Variants in FRMD3 observed in about 807,000 individuals in gnomAD.
The protein encoded by FRMD3 is FERM domain-containing protein 3.
A neutral mutation model predicts 70.2 loss-of-function variants in FRMD3; 33 were observed. That is an observed-to-expected ratio of 0.47 (90% CI 0.36 to 0.63). The LOEUF is 0.63. FRMD3 is among the 20% of genes least tolerant of loss of function. FRMD3 has a pLI of 0.00. For missense variants in FRMD3, 632 were observed against 711.4 expected (o/e 0.89, Z 1.27); for synonymous variants, 279 against 255.9 (o/e 1.09, Z -0.86).
rs11140025 is a variant in FRMD3, at chr9:83,323,921, G to C, written c.597-10174C>G. Among the ~76,000 whole-genome samples the C allele has an allele frequency of 5.3e-3, 801 of 152,268 alleles. 16 individuals carry two copies. The East Asian group carries it at 0.058, about 11-fold the overall frequency. On this transcript the variant is annotated intron_variant, in intron 6 of 13. Coordinates refer to ENST00000304195, the MANE Select transcript of FRMD3 (RefSeq NM_174938.6). ...TAGAAAAGTTAAAGTACAAACTCTG[G>C]CAAGTTCCACACTTAGGCTTGTACT...
intron 1 of FRMD3, among the ~76,000 whole-genome samples, chr9:83,469,750 T>C (rs1183829227): frequency 6.6e-6 from 1 of 152,084 alleles, no homozygotes; most frequent in Non-Finnish European, 1.5e-5. Flanking sequence ...AGATGGGAAT[T>C]AGAAACCGGC....
At chr9:83,404,745 TA>T (rs1826050639) in intron 1 of FRMD3, among the ~76,000 whole-genome samples, 1 of 152,258 alleles carries the variant, frequency 6.6e-6, no homozygotes, top group African/African-American at 2.4e-5. Flanking sequence ...ATTTGAAGGC[TA>T]AAAAGCTAAA....
chr9:83,389,215 T>C (rs1346011040), intron 2 of FRMD3, among the ~76,000 whole-genome samples: 1 of 152,174 alleles, frequency 6.6e-6, no homozygotes, highest in Non-Finnish European at 1.5e-5. Context: ...CCCAAAGTGC[T>C]GGGATTACAG....
the FRMD3 span, among the ~76,000 whole-genome samples, chr9:83,561,859 A>G: frequency 2.0e-5 from 3 of 152,296 alleles, no homozygotes; most frequent in African/African-American, 7.2e-5. Context: ...CTGTTCCTCT[A>G]TGCCACCACA....
intron 2 of FRMD3, among the ~76,000 whole-genome samples, chr9:83,386,273 G>T (rs1825508136): frequency 6.6e-6 from 1 of 152,144 alleles, no homozygotes; most frequent in Admixed American, 6.5e-5. Context: ...CCAAGTGAAA[G>T]CTACACTCAC....
chr9:83,559,542 C>T, the FRMD3 span, among the ~76,000 whole-genome samples: 30 of 152,284 alleles, frequency 2.0e-4, no homozygotes, highest in African/African-American at 5.5e-4. Context: ...CTGCACTTGA[C>T]TAGACAAAAT....
At chr9:83,256,087 A>G (rs1832694069) in intron 13 of FRMD3, among the ~76,000 whole-genome samples, 1 of 152,208 alleles carries the variant, frequency 6.6e-6, no homozygotes, top group Non-Finnish European at 1.5e-5. Context: ...AAAAGAACAA[A>G]GCTGGAGGCA....
At chr9:83,509,263 C>G (rs75300529) in intron 1 of FRMD3, among the ~76,000 whole-genome samples, 1 of 152,276 alleles carries the variant, frequency 6.6e-6, no homozygotes, top group East Asian at 1.9e-4. Context: ...CTACACTGAC[C>G]TATTTTACAA....
chr9:83,289,465 T>C (rs1221705719), intron 13 of FRMD3, among the ~76,000 whole-genome samples: 1 of 152,244 alleles, frequency 6.6e-6, no homozygotes, highest in Non-Finnish European at 1.5e-5. Context: ...TAGTTCTCCT[T>C]CTAACCATCA....
intron 1 of FRMD3, among the ~76,000 whole-genome samples, chr9:83,433,323 G>T (rs139006123): frequency 1.3e-5 from 2 of 152,302 alleles, no homozygotes; most frequent in East Asian, 3.9e-4. Flanking sequence ...CATGCTCAGG[G>T]ATCATAACGG....
At chr9:83,372,892 A>G (rs368550138) in intron 3 of FRMD3, 21 bp downstream of exon 3, 78 of 1,604,080 alleles carry the variant, frequency 4.9e-5, no homozygotes, top group Non-Finnish European at 6.4e-5. Flanking sequence ...AGCAAAAGTA[A>G]AGTCACAGAT....
chr9:83,260,449 C>G (rs1832931804), intron 13 of FRMD3, among the ~76,000 whole-genome samples: 2 of 152,078 alleles, frequency 1.3e-5, no homozygotes, highest in South Asian at 4.1e-4. Context: ...CTGTTACTGG[C>G]CCCATTTCAT....
At chr9:83,438,124 C>T (rs933621701) in intron 1 of FRMD3, among the ~76,000 whole-genome samples, 2 of 152,050 alleles carry the variant, frequency 1.3e-5, no homozygotes, top group Non-Finnish European at 2.9e-5. Flanking sequence ...AAGAAAGGAT[C>T]TAACTCAAGG....
chr9:83,244,583 A>G (rs553172596), downstream of FRMD3: 96 of 738,652 alleles, frequency 1.3e-4, no homozygotes, highest in African/African-American at 1.7e-3. Flanking sequence ...ACCTGACTAT[A>G]CAACTTTACT....
chr9:83,377,864 C>T (rs962528942), intron 2 of FRMD3, among the ~76,000 whole-genome samples: 1 of 152,072 alleles, frequency 6.6e-6, no homozygotes, highest in Non-Finnish European at 1.5e-5. Context: ...TAAAAATCTA[C>T]TTTTTAAAAA....
chr9:83,289,498 T>G (rs2209187), intron 13 of FRMD3, among the ~76,000 whole-genome samples: 83,342 of 152,082 alleles, frequency 0.55, 24,402 homozygotes, highest in South Asian at 0.78. Context: ...AGGAAAAGAT[T>G]TACTAGAATT....
At chr9:83,399,934 C>T (rs1825906139) in intron 1 of FRMD3, among the ~76,000 whole-genome samples, 1 of 152,094 alleles carries the variant, frequency 6.6e-6, no homozygotes, top group Non-Finnish European at 1.5e-5. Flanking sequence ...CAAAGATGTC[C>T]TCTCTTACCA....
At chr9:83,262,668 G>A (rs1306156749) in intron 13 of FRMD3, among the ~76,000 whole-genome samples, 1 of 152,056 alleles carries the variant, frequency 6.6e-6, no homozygotes, top group African/African-American at 2.4e-5. Context: ...CCTATTGAGG[G>A]GTTCCCATAT....
intron 6 of FRMD3, among the ~76,000 whole-genome samples, chr9:83,329,421 C>T (rs1287764738): frequency 6.6e-6 from 1 of 152,144 alleles, no homozygotes; most frequent in East Asian, 1.9e-4. Flanking sequence ...TCTTTTTACA[C>T]AATAAACACA....
Sources: gnomAD v4.1 joint callset for allele counts (sites outside exome capture counted in the v4.1 genomes callset) on GRCh38, gnomAD v4.1.1 for gene constraint, MANE v1.5 for transcripts, NCBI Gene and HGNC (gene_info 2026-07-23, HGNC 2026-07-21) for gene names.